Variants in PTPRM observed in about 807,000 individuals in gnomAD.
PTPRM encodes receptor-type tyrosine-protein phosphatase mu.
In PTPRM, 47 loss-of-function variants were observed where a neutral mutation model predicts 186.7. That is an observed-to-expected ratio of 0.25 (90% confidence interval 0.20 to 0.32). PTPRM has a LOEUF of 0.32. Ranked by LOEUF, PTPRM falls within the 10% of genes least tolerant of loss-of-function variation. The pLI, the probability that PTPRM is intolerant of heterozygous loss-of-function variation, is 1.00. For missense variants in PTPRM, 1,494 were observed against 1,865.0 expected, an observed-to-expected ratio of 0.80 and a Z score of 3.66; for synonymous variants, 668 against 674.9, an observed-to-expected ratio of 0.99 and a Z score of 0.16.
intron 1 of PTPRM, 113 bp from the exon 2 acceptor site, chr18:7,774,036 G>C: frequency 9.1e-7 from 1 of 1,098,556 alleles, no homozygotes. Context: ...GACCTAATCA[G>C]ATTTAGTTTG....
chr18:7,953,320 G>A lies in PTPRM; in HGVS notation c.839-1801G>A, dbSNP rs1056789429. The stretch of plus-strand genomic sequence containing the variant: ...CAACCCTTGCTAGCATTTGCAACTC[G>A]AAAGTAATTAACTGCTCTTTCAGTC... On this transcript the variant is annotated intron_variant, in intron 6 of 32. Coordinates refer to ENST00000580170, the MANE Select transcript of PTPRM (RefSeq NM_001105244.2). Among the ~76,000 whole-genome samples, 4 of 152,000 alleles carry A rather than the reference G, an allele frequency of 2.6e-5. No homozygotes were observed. The South Asian group carries it at 8.3e-4, about 32-fold the overall frequency.
intron 19 of PTPRM, among the ~76,000 whole-genome samples, chr18:8,263,324 G>A (rs1315143263): frequency 6.6e-6 from 1 of 152,078 alleles, no homozygotes; most frequent in East Asian, 1.9e-4. Context: ...GGCCAGGCTG[G>A]TCTCGAACTC....
chr18:8,055,514 T>C (rs2087858257), intron 7 of PTPRM, among the ~76,000 whole-genome samples: 1 of 152,218 alleles, frequency 6.6e-6, no homozygotes, highest in South Asian at 2.1e-4. Context: ...GTTTTTAAAA[T>C]TGGTCATTTT....
chr18:7,602,167 G>A (rs918115432), intron 1 of PTPRM, among the ~76,000 whole-genome samples: 1 of 152,172 alleles, frequency 6.6e-6, no homozygotes, highest in African/African-American at 2.4e-5. Context: ...AAGTGGTCAG[G>A]ACTGCAGGAG....
rs562115588 is a variant in PTPRM, at chr18:7,884,326, C to G, written c.197-3780C>G. Among the ~76,000 whole-genome samples, 4 of 152,190 alleles carry G rather than the reference C, an allele frequency of 2.6e-5. No individual in the cohort carries two copies. The East Asian group carries it at 7.8e-4, about 30-fold the overall frequency. ...CTGCATAGATACACCAATTGGGAGA[C>G]TGTAGAGGAAGGGAAAAAGGGAATC... is the stretch of plus-strand genomic sequence containing the variant. On this transcript the variant is annotated intron_variant, in intron 2 of 32. Coordinates refer to ENST00000580170, the MANE Select transcript of PTPRM (RefSeq NM_001105244.2).
chr18:8,231,420 G>C (rs772131174), intron 14 of PTPRM, among the ~76,000 whole-genome samples: 12 of 152,138 alleles, frequency 7.9e-5, no homozygotes, highest in Non-Finnish European at 1.3e-4. Flanking sequence ...TTCCAGCCAG[G>C]TGGCAATTTG....
chr18:7,611,223 G>A (rs1349354947), intron 1 of PTPRM, among the ~76,000 whole-genome samples: 1 of 152,116 alleles, frequency 6.6e-6, no homozygotes, highest in African/African-American at 2.4e-5. Context: ...AAGCAAAAAT[G>A]CCACAGTAAG....
At chr18:8,295,907 A>G (rs7505593) in intron 19 of PTPRM, among the ~76,000 whole-genome samples, 105,895 of 152,110 alleles carry the variant, frequency 0.7, 37,928 homozygotes, top group African/African-American at 0.85. Flanking sequence ...TGGAAGTCAT[A>G]AAGTCTCAGC....
In PTPRM at chr18:7,725,675, ATGT is replaced by A. The variant is rs561033351; in HGVS notation, c.74-48471_74-48469del. Reference sequence around the variant, plus strand: ...TTAACCTCGGAGGGACAGTTTGATGATGTTGCTTTGGAGAGGATTCTGGCCAGG... The same window carrying A: ...TTAACCTCGGAGGGACAGTTTGATGATGCTTTGGAGAGGATTCTGGCCAGG... On this transcript the variant is annotated intron_variant, in intron 1 of 32. Coordinates refer to ENST00000580170, the MANE Select transcript of PTPRM (RefSeq NM_001105244.2). 9.2e-5 allele frequency among the ~76,000 whole-genome samples: 14 copies of A among 152,184 alleles called. No homozygotes were observed. The South Asian group carries it at 2.7e-3, about 29-fold the overall frequency.
At chr18:7,881,840 C>T (rs1389540748) in intron 2 of PTPRM, among the ~76,000 whole-genome samples, 12 of 152,222 alleles carry the variant, frequency 7.9e-5, no homozygotes, top group Non-Finnish European at 1.8e-4. Context: ...CCTTTCCATT[C>T]ACCATGACCA....
intron 19 of PTPRM, among the ~76,000 whole-genome samples, chr18:8,294,852 C>A (rs1367224174): frequency 1.8e-4 from 28 of 152,034 alleles, no homozygotes; most frequent in Admixed American, 1.8e-3. Context: ...TGTTGCTCAA[C>A]TGTTTTATTG....
At chr18:8,085,474 C>G (rs970954630) in intron 9 of PTPRM, among the ~76,000 whole-genome samples, 197 bp from the exon 10 acceptor site, 4 of 152,096 alleles carry the variant, frequency 2.6e-5, no homozygotes, top group African/African-American at 9.7e-5. Context: ...CTTAAGTTCC[C>G]CTGTCTATAA....
At chr18:7,765,637 C>T (rs897669135) in intron 1 of PTPRM, among the ~76,000 whole-genome samples, 1 of 151,990 alleles carries the variant, frequency 6.6e-6, no homozygotes, top group Non-Finnish European at 1.5e-5. Context: ...TTATTCTACA[C>T]AGTTTTAAAT....
chr18:8,294,587 G>A (rs541895725), intron 19 of PTPRM, among the ~76,000 whole-genome samples: 136 of 152,284 alleles, frequency 8.9e-4, no homozygotes, highest in Non-Finnish European at 1.4e-3. Context: ...TGAGATTTGG[G>A]TGGGGACACA....
At chr18:7,972,725 A>T (rs2054644132) in intron 7 of PTPRM, among the ~76,000 whole-genome samples, 5 of 152,100 alleles carry the variant, frequency 3.3e-5, no homozygotes, top group Admixed American at 3.3e-4. Context: ...GGCCTTTGAA[A>T]ATCACTGAAG....
Position 8,078,459 on chromosome 18 carries a change from A to G in PTPRM, c.1551+1895A>G, listed in dbSNP as rs538562445. Among the ~76,000 whole-genome samples, 206 of 152,336 alleles carry G rather than the reference A, an allele frequency of 1.4e-3. 1 individual carries two copies. The highest frequency in any genetic ancestry group is 1.9e-3 in the Non-Finnish European group (129 of 68,030). ...ATGGCAACATTGTTTTCTGTCATGG[A>G]GTCACATTTGAATACTGGTAAAAAT... is the stretch of plus-strand genomic sequence containing the variant. On this transcript the variant is annotated intron_variant, in intron 9 of 32. Transcript: ENST00000580170.
Position 7,926,663 on chromosome 18 carries a change from G to A in PTPRM, c.643G>A (p.Gly215Arg). Residue 215 changes from glycine (G) to arginine (R), a missense_variant, in exon 5 of 33, where the codon GGA becomes AGA. Gly to Arg is a moderately radical substitution (Grantham distance 125). Around this residue, in one of 3 missense-constraint regions of PTPRM, gnomAD observed 296 missense variants for 345.5 expected, o/e 0.86. Transcript: ENST00000580170. ...CAGTGCCATCGGCAGGACCGTGGCA[G>A]GAGACAGGCTCTGGTTACAGGTACA... ...QCSAIGRTVA[G>R]DRLWLQGIDV... The A allele has an allele frequency of 1.2e-6, 2 of 1,612,596 alleles. No individual in the cohort carries two copies. The highest frequency in any genetic ancestry group is 1.7e-6 in the Non-Finnish European group (2 of 1,179,612).
At chr18:8,052,986 G>C (rs192170806) in intron 7 of PTPRM, among the ~76,000 whole-genome samples, 136 of 152,226 alleles carry the variant, frequency 8.9e-4, no homozygotes, top group South Asian at 2.1e-3. Flanking sequence ...TTCTTCAAAA[G>C]TCCTGTTCTT....
chr18:8,315,938 A>G (rs2095306076), intron 21 of PTPRM, among the ~76,000 whole-genome samples: 1 of 152,212 alleles, frequency 6.6e-6, no homozygotes, highest in South Asian at 2.1e-4. Context: ...AACCAAAACC[A>G]TACCCTCTCC....
Sources: gnomAD v4.1 joint callset for allele counts (sites outside exome capture counted in the v4.1 genomes callset) on GRCh38, gnomAD v4.1.1 for gene constraint, gnomAD v4.1.1 regional missense constraint, MANE v1.5 for transcripts, NCBI Gene and HGNC (gene_info 2026-07-23, HGNC 2026-07-21) for gene names.